COL25A1: variants seen among roughly 807,000 people sequenced by gnomAD.
COL25A1 encodes collagen alpha-1(XXV) chain.
COL25A1 carries 103 observed loss-of-function variants against 128.4 expected under a neutral mutation model. The ratio of observed to expected loss-of-function variants is 0.80; its 90% CI spans 0.68 to 0.94. COL25A1 has a LOEUF of 0.94. Ranked by LOEUF, COL25A1 falls within the 40% of genes least tolerant of loss-of-function variation. COL25A1 has a pLI of 0.00. For synonymous variants in COL25A1, 279 were observed against 277.2 expected (o/e 1.01, Z -0.06); for missense variants, 745 against 840.0 (o/e 0.89, Z 1.40).
At chr4:109,295,615 C>G (rs1430969248) in intron 3 of COL25A1, among the ~76,000 whole-genome samples, 1 of 151,940 alleles carries the variant, frequency 6.6e-6, no homozygotes, top group Non-Finnish European at 1.5e-5. Context: ...ACCATGTATA[C>G]TAGGAAACAC....
chr4:109,253,890 AT>A (rs1303074693), intron 3 of COL25A1, among the ~76,000 whole-genome samples: 1 of 152,170 alleles, frequency 6.6e-6, no homozygotes, highest in Non-Finnish European at 1.5e-5. Flanking sequence ...GATTGAGACC[AT>A]CCTGGCTAAC....
chr4:108,817,554 C>T lies in COL25A1; in HGVS notation c.1924-119G>A, dbSNP rs181006243. Reference sequence around the variant, plus strand: ...ACCCATTAGTGACTTTGGTCATGGGCATCTTTTACTAATTAGCAACTCCCG... The same window carrying T: ...ACCCATTAGTGACTTTGGTCATGGGTATCTTTTACTAATTAGCAACTCCCG... On this transcript the variant is annotated intron_variant, in intron 36 of 37. Coordinates refer to ENST00000399132, the MANE Select transcript of COL25A1 (RefSeq NM_198721.4). 12 of 767,378 alleles carry T rather than the reference C, an allele frequency of 1.6e-5. No homozygotes were observed. The African/African-American group carries it at 1.6e-4, about 10-fold the overall frequency. 47.5% of individuals were successfully genotyped at this position (767,378 alleles called of 1,614,324 possible).
At chr4:109,254,399 T>C (rs1780904845) in intron 3 of COL25A1, among the ~76,000 whole-genome samples, 1 of 146,116 alleles carries the variant, frequency 6.8e-6, no homozygotes, top group African/African-American at 2.5e-5. Context: ...GGAACGCTAT[T>C]GAGCAGTTTC....
chr4:109,007,082 A>G (rs1184438831), intron 6 of COL25A1, among the ~76,000 whole-genome samples: 2 of 152,214 alleles, frequency 1.3e-5, no homozygotes, highest in Non-Finnish European at 2.9e-5. Flanking sequence ...GAAGATAAAT[A>G]AAAATAAATA....
At chr4:109,081,968 G>A (rs936997934) in intron 3 of COL25A1, among the ~76,000 whole-genome samples, 1 of 152,166 alleles carries the variant, frequency 6.6e-6, no homozygotes, top group Non-Finnish European at 1.5e-5. Context: ...CATCCCAAAA[G>A]TGCTGGGATT....
At chr4:109,116,207 G>A (rs1767540706) in intron 3 of COL25A1, among the ~76,000 whole-genome samples, 1 of 152,036 alleles carries the variant, frequency 6.6e-6, no homozygotes, top group Non-Finnish European at 1.5e-5. Context: ...GCTCTGCCAG[G>A]GGCTCGCAGT....
chr4:109,276,269 G>A (rs181601843), intron 3 of COL25A1, among the ~76,000 whole-genome samples: 116 of 151,948 alleles, frequency 7.6e-4, no homozygotes, highest in Non-Finnish European at 1.3e-3. Context: ...AAAATTAGCC[G>A]GGCATGGTGA....
chr4:108,905,534 A>C (rs1469366412), intron 13 of COL25A1, among the ~76,000 whole-genome samples: 1 of 150,450 alleles, frequency 6.6e-6, no homozygotes, highest in East Asian at 1.9e-4. Context: ...AATAAAAATA[A>C]AAATAATAAT....
chr4:109,005,132 G>A (rs367820892), intron 6 of COL25A1, among the ~76,000 whole-genome samples: 3 of 152,104 alleles, frequency 2.0e-5, no homozygotes, highest in African/African-American at 7.2e-5. Context: ...TCTGCTTCTG[G>A]GGGAGGCCTC....
intron 3 of COL25A1, among the ~76,000 whole-genome samples, chr4:109,238,064 A>C (rs1779590013): frequency 6.6e-6 from 1 of 152,054 alleles, no homozygotes; most frequent in Non-Finnish European, 1.5e-5. Flanking sequence ...TTCATCTGTC[A>C]GTGAATACTT....
intron 4 of COL25A1, among the ~76,000 whole-genome samples, chr4:109,049,785 TAG>T (rs1560597353): frequency 6.6e-6 from 1 of 152,134 alleles, no homozygotes; most frequent in Non-Finnish European, 1.5e-5. Context: ...ACCACCTATA[TAG>T]ATGGAAACGT....
At chr4:109,281,197 C>T (rs983073071) in intron 3 of COL25A1, among the ~76,000 whole-genome samples, 1 of 152,054 alleles carries the variant, frequency 6.6e-6, no homozygotes, top group African/African-American at 2.4e-5. Flanking sequence ...AGTTACCATT[C>T]AATAGTTTTC....
At chr4:109,289,553 A>C (rs1724257436) in intron 3 of COL25A1, among the ~76,000 whole-genome samples, 1 of 152,132 alleles carries the variant, frequency 6.6e-6, no homozygotes, top group Non-Finnish European at 1.5e-5. Flanking sequence ...TTGAATCATG[A>C]ATATAGCTAT....
intron 6 of COL25A1, among the ~76,000 whole-genome samples, chr4:108,976,221 T>TA (rs1191531965): frequency 6.6e-6 from 1 of 152,230 alleles, no homozygotes; most frequent in Non-Finnish European, 1.5e-5. Flanking sequence ...TTCATTATTT[T>TA]ATCTTCCATA....
chr4:109,197,262 G>T (rs564327142), intron 3 of COL25A1, among the ~76,000 whole-genome samples: 1 of 147,366 alleles, frequency 6.8e-6, no homozygotes, highest in South Asian at 2.1e-4. Context: ...GGAGGCCAAA[G>T]GTGCAGTGAG....
chr4:108,834,993 G>C (rs1296511133), intron 31 of COL25A1, among the ~76,000 whole-genome samples: 1 of 152,064 alleles, frequency 6.6e-6, no homozygotes, highest in East Asian at 1.9e-4. Flanking sequence ...TCCACTAGAG[G>C]GACTTCTAGG....
intron 24 of COL25A1, among the ~76,000 whole-genome samples, chr4:108,858,151 G>A (rs908443661): frequency 1.3e-5 from 2 of 152,124 alleles, no homozygotes; most frequent in African/African-American, 4.8e-5. Context: ...GACTATAGAG[G>A]ATTAAGATGG....
intron 3 of COL25A1, among the ~76,000 whole-genome samples, chr4:109,055,873 CT>C (rs1270840286): frequency 2.6e-5 from 4 of 152,108 alleles, no homozygotes; most frequent in Non-Finnish European, 4.4e-5. Flanking sequence ...GAAGAAATGA[CT>C]TTTTTTATTC....
intron 8 of COL25A1, among the ~76,000 whole-genome samples, chr4:108,945,566 G>T (rs1199205447): frequency 1.3e-5 from 2 of 152,184 alleles, no homozygotes; most frequent in Non-Finnish European, 2.9e-5. Context: ...AATTTGCCTG[G>T]TACACAGATG....
Sources: gnomAD v4.1 joint callset for allele counts (sites outside exome capture counted in the v4.1 genomes callset) on GRCh38, gnomAD v4.1.1 for gene constraint, MANE v1.5 for transcripts, NCBI Gene and HGNC (gene_info 2026-07-23, HGNC 2026-07-21) for gene names.